ENOX1: variants seen among roughly 807,000 people sequenced by gnomAD.
The protein encoded by ENOX1 is ecto-NOX disulfide-thiol exchanger 1, also known as candidate growth-related and time keeping constitutive hydroquinone (NADH) oxidase.
In ENOX1, 42 loss-of-function variants were observed where a neutral mutation model predicts 82.5. The ratio of observed to expected loss-of-function variants is 0.51; its 90% CI spans 0.40 to 0.66. The LOEUF is 0.66. Among genes scored for constraint, ENOX1 ranks in the 30% least tolerant of loss-of-function variants. ENOX1 has a pLI of 0.00. For missense variants in ENOX1, 608 were observed against 811.6 expected, an observed-to-expected ratio of 0.75 and a Z score of 3.05; for synonymous variants, 271 against 282.2, an observed-to-expected ratio of 0.96 and a Z score of 0.40.
At chr13:43,457,447 G>C (rs1265946317) in intron 3 of ENOX1, among the ~76,000 whole-genome samples, 1 of 152,074 alleles carries the variant, frequency 6.6e-6, no homozygotes, top group East Asian at 1.9e-4. Flanking sequence ...TAATCAATTT[G>C]AGGTAGACGC....
chr13:43,690,935 T>C (rs889859900), intron 1 of ENOX1, among the ~76,000 whole-genome samples: 1 of 152,226 alleles, frequency 6.6e-6, no homozygotes, highest in Non-Finnish European at 1.5e-5. Context: ...ACACCATGTG[T>C]ACATAGCCTG....
intron 14 of ENOX1, among the ~76,000 whole-genome samples, chr13:43,245,045 T>G (rs1230951472): frequency 6.6e-6 from 1 of 152,196 alleles, no homozygotes; most frequent in African/African-American, 2.4e-5. Flanking sequence ...CTTATATGAT[T>G]AGAACTGTGG....
At chr13:43,408,877 T>C (rs938928233) in intron 5 of ENOX1, among the ~76,000 whole-genome samples, 8 of 152,066 alleles carry the variant, frequency 5.3e-5, no homozygotes, top group Admixed American at 4.6e-4. Flanking sequence ...TGGGCAAACC[T>C]TTCTGCATTT....
intron 9 of ENOX1, among the ~76,000 whole-genome samples, chr13:43,330,179 A>G (rs1310705991): frequency 1.3e-5 from 2 of 152,374 alleles, no homozygotes; most frequent in Non-Finnish European, 2.9e-5. Flanking sequence ...TTAAGAAGTT[A>G]CTATCAGAAC....
intron 9 of ENOX1, among the ~76,000 whole-genome samples, chr13:43,340,173 A>G (rs2048972647): frequency 6.6e-6 from 1 of 152,248 alleles, no homozygotes; most frequent in Admixed American, 6.5e-5. Context: ...AGTTTCACAG[A>G]CTGGGTTCCT....
chr13:43,356,926 C>A (rs1472685007), intron 7 of ENOX1, among the ~76,000 whole-genome samples: 1 of 151,988 alleles, frequency 6.6e-6, no homozygotes, highest in Non-Finnish European at 1.5e-5. Flanking sequence ...GAGCCCAGAG[C>A]TAGACAAAGA....
intron 14 of ENOX1, among the ~76,000 whole-genome samples, chr13:43,254,692 T>C (rs1272208552): frequency 2.0e-5 from 3 of 152,126 alleles, no homozygotes; most frequent in Non-Finnish European, 4.4e-5. Context: ...TAGGCAGTCA[T>C]TAAAAATCAC....
rs540630042 is a variant in ENOX1, at chr13:43,597,507, C to A, written c.-219+69972G>T. On this transcript the variant is annotated intron_variant, in intron 2 of 16. Transcript: ENST00000690772. ...TCAGCAAATCAGGCTAGCTCTGGCACAAAATCAATCCAGATTACAACCACA... is the reference window on the plus strand; with the variant it reads ...TCAGCAAATCAGGCTAGCTCTGGCAAAAAATCAATCCAGATTACAACCACA... Among the ~76,000 whole-genome samples the A allele has an allele frequency of 2.0e-5, 3 of 152,312 alleles. No individual in the cohort carries two copies. In the East Asian group the frequency reaches 5.8e-4, roughly 29 times the overall value.
intron 14 of ENOX1, among the ~76,000 whole-genome samples, chr13:43,244,402 TAA>T (rs558991622): frequency 1.1e-3 from 172 of 152,292 alleles, no homozygotes; most frequent in Non-Finnish European, 1.5e-3. Flanking sequence ...CAATTCTGTA[TAA>T]GACTTTGACT....
chr13:43,267,936 C>T (rs905561517), intron 13 of ENOX1, among the ~76,000 whole-genome samples: 13 of 152,138 alleles, frequency 8.5e-5, no homozygotes, highest in African/African-American at 3.1e-4. Context: ...TGTTTCGAAT[C>T]TTCTTCACGT....
chr13:43,574,387 G>A (rs542894091), intron 2 of ENOX1, among the ~76,000 whole-genome samples: 2 of 152,238 alleles, frequency 1.3e-5, no homozygotes, highest in East Asian at 1.9e-4. Flanking sequence ...TATTGTCAGC[G>A]AGTTCTACAA....
At chr13:43,263,801 G>C (rs534207600) in intron 14 of ENOX1, among the ~76,000 whole-genome samples, 1 of 152,372 alleles carries the variant, frequency 6.6e-6, no homozygotes, top group East Asian at 1.9e-4. Context: ...AGCTTCCCTG[G>C]AAGCCACAGA....
chr13:43,669,755 TC>T (rs750779219), intron 1 of ENOX1, among the ~76,000 whole-genome samples: 10 of 152,148 alleles, frequency 6.6e-5, no homozygotes, highest in Non-Finnish European at 1.0e-4. Context: ...CCTAGACTGT[TC>T]CGTTGTAATT....
intron 1 of ENOX1, among the ~76,000 whole-genome samples, chr13:43,731,217 C>A (rs1594605140): frequency 1.3e-5 from 2 of 152,268 alleles, no homozygotes; most frequent in Middle Eastern, 6.8e-3. Flanking sequence ...ATTTGCCATA[C>A]ACTAAAAATT....
chr13:43,367,917 G>A (rs2050957148), intron 5 of ENOX1, among the ~76,000 whole-genome samples: 1 of 152,180 alleles, frequency 6.6e-6, no homozygotes, highest in Non-Finnish European at 1.5e-5. Flanking sequence ...TCTCTTAGGA[G>A]AAATGTTCAA....
chr13:43,523,647 G>C (rs1253480838), intron 2 of ENOX1, among the ~76,000 whole-genome samples: 1 of 152,122 alleles, frequency 6.6e-6, no homozygotes, highest in Non-Finnish European at 1.5e-5. Context: ...AGTTGCTCTA[G>C]TAGAAGTGGC....
intron 1 of ENOX1, among the ~76,000 whole-genome samples, chr13:43,726,718 T>TTG (rs55918525): frequency 0.34 from 49,061 of 144,338 alleles, 9,993 homozygotes; most frequent in Non-Finnish European, 0.48. Flanking sequence ...GCATTGACTT[T>TTG]TGTGTGTGTG....
At chr13:43,477,518 A>G (rs552132524) in intron 3 of ENOX1, among the ~76,000 whole-genome samples, 3 of 152,294 alleles carry the variant, frequency 2.0e-5, no homozygotes, top group Non-Finnish European at 4.4e-5. Context: ...ATTATTTTCC[A>G]TCTTCAGAAA....
At chr13:43,769,604 A>C (rs1327701226) in intron 1 of ENOX1, among the ~76,000 whole-genome samples, 1 of 152,214 alleles carries the variant, frequency 6.6e-6, no homozygotes, top group East Asian at 1.9e-4. Context: ...GCATGTATTG[A>C]CAGCAAGATA....
Sources: allele counts gnomAD v4.1 joint callset (sites outside exome capture counted in the v4.1 genomes callset), GRCh38; gene constraint gnomAD v4.1.1; transcripts MANE v1.5; gene names NCBI Gene and HGNC (gene_info 2026-07-23, HGNC 2026-07-21).